SLC17A8: variants seen among roughly 807,000 people sequenced by gnomAD.
SLC17A8 encodes solute carrier family 17 member 8, also known as vesicular glutamate transporter 3.
In SLC17A8, 31 loss-of-function variants were observed where a neutral mutation model predicts 58.0. That is an observed-to-expected ratio of 0.53 (90% CI 0.40 to 0.72). The LOEUF (loss-of-function observed/expected upper bound fraction) is 0.72, where lower values mean the gene tolerates loss of function less well. Among genes scored for constraint, SLC17A8 ranks in the 30% least tolerant of loss-of-function variants. The pLI, the probability that SLC17A8 is intolerant of heterozygous loss-of-function variation, is 0.00. For missense variants in SLC17A8, 655 were observed against 727.8 expected (o/e 0.90, Z 1.15); for synonymous variants, 228 against 249.0 (o/e 0.92, Z 0.79).
chr12:100,390,868 C>T, intron 2 of SLC17A8, 133 bp from the exon 3 acceptor site: 4 of 729,252 alleles, frequency 5.5e-6, no homozygotes, highest in Non-Finnish European at 1.0e-5. Flanking sequence ...TGTAAGATGC[C>T]CTCCATAAGT....
At chr12:100,374,929 T>C (rs990432454) in intron 1 of SLC17A8, among the ~76,000 whole-genome samples, 2 of 151,982 alleles carry the variant, frequency 1.3e-5, no homozygotes, top group Non-Finnish European at 2.9e-5. Context: ...CAGCCAGCTG[T>C]AGGTCCTGCT....
In SLC17A8 at chr12:100,385,100, GTCTC is replaced by G. The variant is rs201988858; in HGVS notation, c.354+4161_354+4164del. Among the ~76,000 whole-genome samples, 195 of 150,044 alleles carry G rather than the reference GTCTC, an allele frequency of 1.3e-3. 2 individuals are homozygous for G. The highest frequency in any genetic ancestry group is 1.8e-4 in the Non-Finnish European group (12 of 67,472). On this transcript the variant is annotated intron_variant, in intron 2 of 11. Coordinates refer to ENST00000323346, the MANE Select transcript of SLC17A8 (RefSeq NM_139319.3). ...AGAATCTCTGTGGGTTTGGGTTGCTGTCTCTCTCTCTCTCTCTGTGTGTGTGTGT... is the reference window on the plus strand; with the variant it reads ...AGAATCTCTGTGGGTTTGGGTTGCTGTCTCTCTCTCTCTGTGTGTGTGTGT...
chr12:100,420,242 C>A lies in SLC17A8; in HGVS notation c.*83C>A, dbSNP rs1952939459. On this transcript the variant is annotated 3_prime_UTR_variant, in exon 12 of 12. Coordinates refer to ENST00000323346, the MANE Select transcript of SLC17A8 (RefSeq NM_139319.3). ...ATTGCCTTTCTTGTAGCCCAGCTTGCCAGAGGTCCAAATATTGGGAGGGGA... is the reference window on the plus strand; with the variant it reads ...ATTGCCTTTCTTGTAGCCCAGCTTGACAGAGGTCCAAATATTGGGAGGGGA... 1.8e-6 allele frequency: 2 copies of A among 1,111,284 alleles called. No homozygotes were observed. The highest frequency in any genetic ancestry group is 2.6e-6 in the Non-Finnish European group (2 of 756,252). 68.8% of individuals were successfully genotyped at this position (1,111,284 alleles called of 1,614,324 possible). A position where few individuals can be genotyped will look rare whatever the true frequency, so the allele number is the denominator to read the frequency against.
intron 9 of SLC17A8, among the ~76,000 whole-genome samples, chr12:100,404,952 G>A (rs1190444039): frequency 6.6e-6 from 1 of 152,216 alleles, no homozygotes; most frequent in Non-Finnish European, 1.5e-5. Context: ...CAGGATGAGC[G>A]AGCAGGAGGT....
chr12:100,399,478 A>G (rs1254311580), intron 5 of SLC17A8, among the ~76,000 whole-genome samples: 17 of 152,332 alleles, frequency 1.1e-4, no homozygotes, highest in Non-Finnish European at 2.1e-4. Context: ...TTTATAAAAG[A>G]AAGAGGTTTA....
In SLC17A8 at chr12:100,357,479, G is replaced by A; in HGVS notation, c.88G>A (p.Gly30Arg). Residue 30 changes from glycine to arginine, a missense_variant, in exon 1 of 12, where the codon GGA (glycine) becomes AGA (arginine). By Grantham distance (125) the Gly-to-Arg change is moderately radical (BLOSUM62 -2). Transcript: ENST00000323346. ...GVKNAVGDSL[G>R]ILQRKIDGTT... ...GAAGAACGCCGTGGGAGATTCTTTG[G>A]GAATTTTACAAAGGTAAAGTTTGAA... The A allele has an allele frequency of 6.2e-7, 1 of 1,611,732 alleles. No individual in the cohort carries two copies. Among genetic ancestry groups the A allele is most frequent in the South Asian group, 1.1e-5 (1 of 91,024 alleles).
chr12:100,387,910 C>T (rs1408650421), intron 2 of SLC17A8, among the ~76,000 whole-genome samples: 2 of 152,064 alleles, frequency 1.3e-5, no homozygotes, highest in African/African-American at 4.8e-5. Flanking sequence ...AATCATATTC[C>T]ACCTCTGCTC....
At chr12:100,398,188 G>A (rs1263557377) in intron 5 of SLC17A8, among the ~76,000 whole-genome samples, 2 of 152,082 alleles carry the variant, frequency 1.3e-5, no homozygotes, top group African/African-American at 2.4e-5. Context: ...GGTATTCACC[G>A]CTATGCCTAC....
intron 1 of SLC17A8, among the ~76,000 whole-genome samples, chr12:100,359,144 AAAAAT>A (rs1182642741): frequency 6.6e-6 from 1 of 152,176 alleles, no homozygotes; most frequent in Non-Finnish European, 1.5e-5. Context: ...CAAAAAATAA[AAAAAT>A]AAAATAAATT....
Position 100,422,012 on chromosome 12 carries a change from G to A in SLC17A8, c.*1853G>A, listed in dbSNP as rs1952953847. 6.6e-6 allele frequency: 1 copy of A among 152,070 alleles called. No homozygotes were observed. The allele number at this position is 152,070 out of a possible 1,614,324, so 9.4% of individuals were successfully genotyped here. ...ATTATCCCTGGAACTTATTGTGAAA[G>A]TTGTGCTGTTTTCTAAGTAAAATAA... is the stretch of plus-strand genomic sequence containing the variant. On this transcript the variant is annotated 3_prime_UTR_variant, in exon 12 of 12. Transcript: ENST00000323346.
In SLC17A8 at chr12:100,402,678, C is replaced by A. The variant is rs1952800225; in HGVS notation, c.986C>A (p.Thr329Asn). The change falls in exon 8 of 12, where the codon ACC (threonine) becomes AAC (asparagine). Residue 329 changes from threonine to asparagine, a missense_variant. By Grantham distance (65) the Thr-to-Asn change is moderately conservative. Coordinates refer to ENST00000323346, the MANE Select transcript of SLC17A8 (RefSeq NM_139319.3). ...GTGGCAAATTTTTGCAGAAGCTGGA[C>A]CTTTTATTTGCTCCTCATAAGTCAG... is the stretch of plus-strand genomic sequence containing the variant. ...IIVANFCRSWTFYLLLISQPA... is the reference protein window; with the variant it reads ...IIVANFCRSWNFYLLLISQPA... 1.2e-6 allele frequency: 2 copies of A among 1,613,990 alleles called. No individual in the cohort carries two copies. Among genetic ancestry groups the A allele is most frequent in the Non-Finnish European group, 8.5e-7 (1 of 1,179,982 alleles).
At chr12:100,367,709 C>T (rs952121070) in intron 1 of SLC17A8, among the ~76,000 whole-genome samples, 3 of 152,150 alleles carry the variant, frequency 2.0e-5, no homozygotes, top group Non-Finnish European at 2.9e-5. Flanking sequence ...AGCCACCATG[C>T]TTGGCTAATT....
chr12:100,411,013 A>T (rs566890188), intron 9 of SLC17A8, among the ~76,000 whole-genome samples: 2 of 152,350 alleles, frequency 1.3e-5, no homozygotes, highest in African/African-American at 4.8e-5. Context: ...CAAGGTCACA[A>T]AATTAGTGAT....
At chr12:100,411,660 A>G (rs533412038) in intron 9 of SLC17A8, among the ~76,000 whole-genome samples, 139 of 152,202 alleles carry the variant, frequency 9.1e-4, no homozygotes, top group African/African-American at 3.2e-3. Context: ...ATACTTGGAA[A>G]TGATATTTAT....
rs762752502 is a variant in SLC17A8 at position 100,393,392 on chromosome 12, T to C, written c.497T>C (p.Leu166Ser). ...AGGGTCTTTGGAGCTGCCATCTTCT[T>C]AACATCGACTCTGAACATGTTTATT... ...ANRVFGAAIF[L>S]TSTLNMFIPS... Residue 166 changes from leucine to serine, a missense_variant, in exon 4 of 12, where the codon TTA (leucine) becomes TCA (serine). Physicochemically the swap from Leu to Ser is moderately radical, Grantham distance 145 (BLOSUM62 -2). Transcript: ENST00000323346. The C allele has an allele frequency of 8.7e-6, 14 of 1,613,774 alleles. No homozygotes were observed. Among genetic ancestry groups the C allele is most frequent in the Non-Finnish European group, 1.1e-5 (13 of 1,179,730 alleles).
chr12:100,386,350 T>G (rs1045968523), intron 2 of SLC17A8, among the ~76,000 whole-genome samples: 6 of 152,150 alleles, frequency 3.9e-5, no homozygotes, highest in African/African-American at 1.4e-4. Context: ...TTAATAAAGT[T>G]TTTAGTGTAC....
Position 100,402,725 on chromosome 12 carries a change from T to A in SLC17A8, c.1033T>A (p.Phe345Ile). Residue 345 changes from phenylalanine (F) to isoleucine (I), a missense_variant, in exon 8 of 12, where the codon TTT (phenylalanine) becomes ATT (isoleucine). Transcript: ENST00000323346. ...ISQPAYFEEV[F>I]GFAISKVGLL... The stretch of plus-strand genomic sequence containing the variant: ...TCAGCCTGCTTATTTTGAAGAGGTC[T>A]TTGGATTTGCAATAAGTAAGGTAAA... 1 of 1,614,012 alleles carries A rather than the reference T, an allele frequency of 6.2e-7. No homozygotes were observed. Among genetic ancestry groups the A allele is most frequent in the Non-Finnish European group, 8.5e-7 (1 of 1,180,000 alleles).
At position 100,420,320 on chromosome 12, in the gene SLC17A8, T is replaced by C; in HGVS notation, c.*161T>C. Reference sequence around the variant, plus strand: ...AGAAATATTATCTTTCAATGACATGTATAGGTAAGGAGCTGCGCTCAGTTG... The same window carrying C: ...AGAAATATTATCTTTCAATGACATGCATAGGTAAGGAGCTGCGCTCAGTTG... On this transcript the variant is annotated 3_prime_UTR_variant, in exon 12 of 12. Coordinates refer to ENST00000323346, the MANE Select transcript of SLC17A8 (RefSeq NM_139319.3). 3.1e-6 allele frequency: 2 copies of C among 636,694 alleles called. No individual in the cohort carries two copies. The highest frequency in any genetic ancestry group is 1.9e-5 in the South Asian group (1 of 53,258). The allele number at this position is 636,694 out of a possible 1,614,324, so 39.4% of individuals were successfully genotyped here. A position where few individuals can be genotyped will look rare whatever the true frequency, so the allele number is the denominator to read the frequency against.
At chr12:100,357,560 G>T in intron 1 of SLC17A8, 68 bp downstream of exon 1, 1 of 1,071,932 alleles carries the variant, frequency 9.3e-7, no homozygotes, top group Non-Finnish European at 1.5e-6. Flanking sequence ...TGAGAGACTT[G>T]GTATCACGTT....
Sources: gnomAD v4.1 joint callset for allele counts (sites outside exome capture counted in the v4.1 genomes callset) on GRCh38, gnomAD v4.1.1 for gene constraint, MANE v1.5 for transcripts, NCBI Gene and HGNC (gene_info 2026-07-23, HGNC 2026-07-21) for gene names.